LINGO2: variants seen among roughly 807,000 people sequenced by gnomAD.
LINGO2 encodes leucine rich repeat and Ig domain containing 2.
LINGO2 carries 14 observed loss-of-function variants against 30.6 expected under a neutral mutation model. The observed-to-expected ratio is 0.46, with a 90% confidence interval of 0.30 to 0.72. The LOEUF (loss-of-function observed/expected upper bound fraction) is 0.72, where lower values mean the gene tolerates loss of function less well. Ranked by LOEUF, LINGO2 falls within the 30% of genes least tolerant of loss-of-function variation. The probability of loss-of-function intolerance (pLI) is 0.07; values close to 1 mark genes in which losing one functional copy is unlikely to be tolerated. For missense variants in LINGO2, 729 were observed against 751.7 expected (o/e 0.97, Z 0.35); for synonymous variants, 317 against 288.5 (o/e 1.10, Z -1.00).
chr9:28,751,968 C>T, the LINGO2 span, among the ~76,000 whole-genome samples: 129,601 of 151,856 alleles, frequency 0.85, 56,917 homozygotes, highest in Non-Finnish European at 0.96. Flanking sequence ...TGTAATAGCT[C>T]TCGTCCACAC....
At chr9:28,700,321 T>C in the LINGO2 span, among the ~76,000 whole-genome samples, 1 of 152,202 alleles carries the variant, frequency 6.6e-6, no homozygotes, top group East Asian at 1.9e-4. Context: ...TAGCTATTGG[T>C]AACCACCAAT....
chr9:28,849,965 C>G, the LINGO2 span, among the ~76,000 whole-genome samples: 1 of 151,982 alleles, frequency 6.6e-6, no homozygotes, highest in Non-Finnish European at 1.5e-5. Context: ...GGCCTAATAC[C>G]CAGAACCTAG....
intron 4 of LINGO2, among the ~76,000 whole-genome samples, chr9:28,252,401 T>G (rs1822235164): frequency 6.6e-6 from 1 of 152,062 alleles, no homozygotes; most frequent in Non-Finnish European, 1.5e-5. Flanking sequence ...AATTTGTGTA[T>G]TCTTTAGTAG....
intron 5 of LINGO2, among the ~76,000 whole-genome samples, chr9:27,959,346 T>A (rs542052632): frequency 6.6e-6 from 1 of 152,292 alleles, no homozygotes; most frequent in East Asian, 1.9e-4. Flanking sequence ...TTCCTAAGAT[T>A]AGATCATTAA....
the LINGO2 span, among the ~76,000 whole-genome samples, chr9:28,880,186 G>A: frequency 3.9e-4 from 60 of 152,252 alleles, no homozygotes; most frequent in African/African-American, 1.3e-3. Flanking sequence ...TTTGTTCACT[G>A]CAACCTCCGC....
In LINGO2 at chr9:28,258,785, C is replaced by A. The variant is rs561839550; in HGVS notation, c.-87+36423G>T. 3.7e-4 allele frequency among the ~76,000 whole-genome samples: 56 copies of A among 151,694 alleles called. 1 individual carries two copies. In the South Asian group the frequency reaches 0.01, roughly 28 times the overall value. ...CTTATCTGTGAGTTCTATGGCTTGC[C>A]AACCATATACCATACCAAAGTTTAT... On this transcript the variant is annotated intron_variant, in intron 4 of 5. Transcript: ENST00000379992.
chr9:28,317,377 T>TA (rs1311581618), intron 3 of LINGO2, among the ~76,000 whole-genome samples: 1 of 152,194 alleles, frequency 6.6e-6, no homozygotes, highest in African/African-American at 2.4e-5. Flanking sequence ...ACAAATGTCT[T>TA]AAAAAGACAA....
chr9:28,181,103 A>G (rs777581761), intron 4 of LINGO2, among the ~76,000 whole-genome samples: 2 of 152,112 alleles, frequency 1.3e-5, no homozygotes, highest in Non-Finnish European at 2.9e-5. Context: ...CAGCTGGCCA[A>G]AAGAGATGAA....
chr9:29,172,145 A>C, the LINGO2 span, among the ~76,000 whole-genome samples: 1 of 151,922 alleles, frequency 6.6e-6, no homozygotes, highest in Admixed American at 6.6e-5. Flanking sequence ...CTATTTTTTA[A>C]ATCTTGACAG....
chr9:28,516,284 T>C (rs1820616672), intron 1 of LINGO2, among the ~76,000 whole-genome samples: 1 of 152,194 alleles, frequency 6.6e-6, no homozygotes, highest in Non-Finnish European at 1.5e-5. Context: ...TCAAGGGAGC[T>C]TCTGATATAG....
chr9:28,980,363 A>C, the LINGO2 span, among the ~76,000 whole-genome samples: 1 of 152,104 alleles, frequency 6.6e-6, no homozygotes, highest in East Asian at 1.9e-4. Flanking sequence ...AAAATTTTAA[A>C]TAAGGACATC....
At chr9:28,914,059 A>G in the LINGO2 span, among the ~76,000 whole-genome samples, 1 of 152,178 alleles carries the variant, frequency 6.6e-6, no homozygotes, top group South Asian at 2.1e-4. Context: ...TTCCAAGAGA[A>G]AACAGACTTT....
At chr9:28,560,643 C>T (rs981383241) in intron 1 of LINGO2, among the ~76,000 whole-genome samples, 3 of 151,678 alleles carry the variant, frequency 2.0e-5, no homozygotes, top group African/African-American at 7.3e-5. Flanking sequence ...CACTGTTTGG[C>T]GTTTTTATTT....
chr9:28,481,602 T>TTTTATTTA (rs570839597), intron 1 of LINGO2, among the ~76,000 whole-genome samples: 1 of 151,714 alleles, frequency 6.6e-6, no homozygotes, highest in Non-Finnish European at 1.5e-5. Flanking sequence ...TCTGTGTAAG[T>TTTTATTTA]TTTATTTATT....
At chr9:28,201,434 T>G (rs956567546) in intron 4 of LINGO2, among the ~76,000 whole-genome samples, 2 of 145,996 alleles carry the variant, frequency 1.4e-5, no homozygotes, top group African/African-American at 5.1e-5. Flanking sequence ...CTGCATAGTA[T>G]TCCATGGTGT....
At chr9:29,161,509 T>C in the LINGO2 span, among the ~76,000 whole-genome samples, 20 of 152,308 alleles carry the variant, frequency 1.3e-4, no homozygotes, top group African/African-American at 4.3e-4. Context: ...TTCCTGTAGA[T>C]AAATAAGTGT....
At chr9:28,478,180 T>C (rs146998119) in intron 1 of LINGO2, among the ~76,000 whole-genome samples, 1 of 152,180 alleles carries the variant, frequency 6.6e-6, no homozygotes, top group African/African-American at 2.4e-5. Context: ...GCTTGTGCAA[T>C]GAGGCATCAG....
the LINGO2 span, among the ~76,000 whole-genome samples, chr9:28,677,289 G>A: frequency 3.9e-5 from 6 of 152,130 alleles, no homozygotes; most frequent in Non-Finnish European, 8.8e-5. Context: ...TAACAATTGT[G>A]CGGACATGTT....
intron 1 of LINGO2, among the ~76,000 whole-genome samples, chr9:28,481,640 T>C (rs924678585): frequency 1.3e-5 from 2 of 152,064 alleles, no homozygotes; most frequent in Non-Finnish European, 2.9e-5. Flanking sequence ...TTTATTATTA[T>C]ACTTTAAGTT....
Sources: gnomAD v4.1 joint callset for allele counts (sites outside exome capture counted in the v4.1 genomes callset) on GRCh38, gnomAD v4.1.1 for gene constraint, MANE v1.5 for transcripts, NCBI Gene and HGNC (gene_info 2026-07-23, HGNC 2026-07-21) for gene names.